EPHB1: variants seen among roughly 807,000 people sequenced by gnomAD.
The protein encoded by EPHB1 is EPH receptor B1.
Under a neutral mutation model 94.4 loss-of-function variants are expected in EPHB1, and 30 were observed. That is an observed-to-expected ratio of 0.32 (90% CI 0.24 to 0.43). The LOEUF is 0.43. Ranked by LOEUF, EPHB1 falls within the 20% of genes least tolerant of loss-of-function variation. EPHB1 has a pLI of 1.00. For missense variants in EPHB1, 1,055 were observed against 1,308.3 expected (o/e 0.81, Z 2.99); for synonymous variants, 522 against 489.1 (o/e 1.07, Z -0.89).
intron 3 of EPHB1, among the ~76,000 whole-genome samples, chr3:135,057,056 A>T (rs765736955): frequency 6.6e-6 from 1 of 152,088 alleles, no homozygotes; most frequent in African/African-American, 2.4e-5. Flanking sequence ...TTGTTGCTGG[A>T]TTCAGACCTC....
chr3:134,852,579 G>T (rs1435741331), intron 1 of EPHB1: 3 of 152,122 alleles, frequency 2.0e-5, no homozygotes, highest in African/African-American at 7.2e-5. Context: ...GCCTGAGAAC[G>T]CACAAAAGGA....
intron 1 of EPHB1, among the ~76,000 whole-genome samples, chr3:134,821,834 A>G (rs2036386959): frequency 6.6e-6 from 1 of 152,308 alleles, no homozygotes; most frequent in East Asian, 1.9e-4. Context: ...TTTGGGATAC[A>G]GCCCTTCTCA....
intron 9 of EPHB1, among the ~76,000 whole-genome samples, chr3:135,172,555 C>G (rs982758711): frequency 6.6e-6 from 1 of 152,222 alleles, no homozygotes; most frequent in Non-Finnish European, 1.5e-5. Flanking sequence ...TTTCTGGATT[C>G]TGGGTGGTGT....
intron 2 of EPHB1, among the ~76,000 whole-genome samples, chr3:134,930,513 C>T (rs2038885792): frequency 6.6e-6 from 1 of 152,170 alleles, no homozygotes; most frequent in Non-Finnish European, 1.5e-5. Context: ...CCCTGGTGAC[C>T]CTTTCTTTGG....
intron 3 of EPHB1, among the ~76,000 whole-genome samples, chr3:135,041,322 G>A (rs1370200838): frequency 6.6e-6 from 1 of 152,200 alleles, no homozygotes; most frequent in African/African-American, 2.4e-5. Flanking sequence ...CAGTACCACT[G>A]GGATGCTGGG....
intron 3 of EPHB1, among the ~76,000 whole-genome samples, chr3:135,065,006 A>G (rs1937563202): frequency 1.3e-5 from 2 of 152,144 alleles, no homozygotes; most frequent in South Asian, 2.1e-4. Flanking sequence ...ATGTATTTGC[A>G]TGGTTTTGAG....
chr3:135,179,859 G>T lies in EPHB1; in HGVS notation c.1760-1G>T. On this transcript the variant is annotated splice_acceptor_variant, in intron 9 of 15. Coordinates refer to ENST00000398015, the MANE Select transcript of EPHB1 (RefSeq NM_004441.5). LOFTEE classifies it high-confidence loss of function. ...TAACCCTGCTTATCTCCTCCAACAA[G>T]GCTCCCCAGGGATGAAGATCTACAT... is the stretch of plus-strand genomic sequence containing the variant. 6.2e-7 allele frequency: 1 copy of T among 1,613,752 alleles called. No individual in the cohort carries two copies. Among genetic ancestry groups the T allele is most frequent in the Non-Finnish European group, 8.5e-7 (1 of 1,179,738 alleles).
intron 12 of EPHB1, among the ~76,000 whole-genome samples, chr3:135,206,587 T>C (rs2400446): frequency 0.42 from 64,229 of 152,140 alleles, 14,167 homozygotes; most frequent in African/African-American, 0.55. Context: ...TGGTGGCCTG[T>C]GCCTGTAATC....
intron 1 of EPHB1, among the ~76,000 whole-genome samples, chr3:134,831,634 C>G (rs1450004720): frequency 1.3e-5 from 2 of 152,220 alleles, no homozygotes; most frequent in African/African-American, 2.4e-5. Context: ...TAGGCTGACT[C>G]TCGATCCCTT....
intron 3 of EPHB1, among the ~76,000 whole-genome samples, chr3:134,966,882 G>A (rs1212949476): frequency 6.6e-6 from 1 of 152,230 alleles, no homozygotes; most frequent in Non-Finnish European, 1.5e-5. Context: ...GTTAGAACAG[G>A]GCCCCGCTCT....
chr3:134,922,232 A>C (rs2038702806), intron 1 of EPHB1, among the ~76,000 whole-genome samples: 1 of 151,378 alleles, frequency 6.6e-6, no homozygotes. Flanking sequence ...ATGCTTTATA[A>C]ATGCAAATGA....
chr3:135,224,445 T>C (rs1276486208), intron 12 of EPHB1, among the ~76,000 whole-genome samples: 2 of 152,238 alleles, frequency 1.3e-5, no homozygotes, highest in East Asian at 3.8e-4. Flanking sequence ...TATTATATTT[T>C]GAAACACCTG....
intron 1 of EPHB1, among the ~76,000 whole-genome samples, chr3:134,906,451 T>TTAA (rs894344226): frequency 6.6e-6 from 1 of 152,264 alleles, no homozygotes; most frequent in Non-Finnish European, 1.5e-5. Context: ...GTTTTTTCTT[T>TTAA]TAATTGTACA....
chr3:135,062,220 C>G (rs1419775538), intron 3 of EPHB1, among the ~76,000 whole-genome samples: 1 of 152,138 alleles, frequency 6.6e-6, no homozygotes, highest in Non-Finnish European at 1.5e-5. Context: ...AGTGGGATTG[C>G]TGGATCAAAT....
chr3:134,941,752 G>GACACACAC (rs3067391), intron 2 of EPHB1, among the ~76,000 whole-genome samples: 4,992 of 134,674 alleles, frequency 0.037, 191 homozygotes, highest in African/African-American at 0.077. Flanking sequence ...TATGCACACA[G>GACACACAC]ACACACACAC....
chr3:135,064,471 C>T (rs1330853408), intron 3 of EPHB1, among the ~76,000 whole-genome samples: 3 of 152,012 alleles, frequency 2.0e-5, no homozygotes, highest in African/African-American at 4.8e-5. Flanking sequence ...TCTAGGTTTT[C>T]GAATTTACAT....
At chr3:135,124,040 A>ATGAGTC (rs1335381833) in intron 4 of EPHB1, among the ~76,000 whole-genome samples, 1 of 151,674 alleles carries the variant, frequency 6.6e-6, no homozygotes, top group Non-Finnish European at 1.5e-5. Context: ...ACCAGGACTT[A>ATGAGTC]TGAGTCTGCC....
intron 3 of EPHB1, among the ~76,000 whole-genome samples, chr3:135,011,546 G>A (rs534891640): frequency 1.4e-4 from 22 of 152,290 alleles, no homozygotes; most frequent in African/African-American, 5.1e-4. Context: ...GGTGCTGGGG[G>A]TCGTAGCCAC....
chr3:135,115,524 A>C (rs1053180559), intron 4 of EPHB1, among the ~76,000 whole-genome samples: 3 of 152,010 alleles, frequency 2.0e-5, no homozygotes, highest in Admixed American at 6.5e-5. Context: ...CTGGTACCAG[A>C]ATCATGCCTG....
Sources: gnomAD v4.1 joint callset for allele counts (sites outside exome capture counted in the v4.1 genomes callset) on GRCh38, gnomAD v4.1.1 for gene constraint, MANE v1.5 for transcripts, NCBI Gene and HGNC (gene_info 2026-07-23, HGNC 2026-07-21) for gene names.